The following DIP2C variants were observed in gnomAD, a reference collection of about 807,000 sequenced individuals.
DIP2C encodes the protein DIP2 acetate--CoA ligase C (putative), also known as disco-interacting protein 2 homolog C.
Under a neutral mutation model 192.4 loss-of-function variants are expected in DIP2C, and 33 were observed. The ratio of observed to expected loss-of-function variants is 0.17; its 90% CI spans 0.13 to 0.23. The LOEUF (loss-of-function observed/expected upper bound fraction) is 0.23. Ranked by LOEUF, DIP2C falls within the 10% of genes least tolerant of loss-of-function variation. The probability of loss-of-function intolerance (pLI) is 1.00; values close to 1 mark genes in which losing one functional copy is unlikely to be tolerated. For synonymous variants in DIP2C, 979 were observed against 864.1 expected (o/e 1.13, Z -2.33); for missense variants, 1,537 against 2,110.1 (o/e 0.73, Z 5.32).
At chr10:281,390 TA>T (rs909106876) in intron 35 of DIP2C, 67 bp from the exon 36 acceptor site, 6 of 1,352,014 alleles carry the variant, frequency 4.4e-6, no homozygotes, top group Admixed American at 2.3e-5. Context: ...CTTCTTTTCT[TA>T]AAAAAAGATT....
intron 1 of DIP2C, among the ~76,000 whole-genome samples, chr10:647,329 G>A (rs1259410626): frequency 6.6e-6 from 1 of 151,552 alleles, no homozygotes. Flanking sequence ...AGAGAACAGA[G>A]GGAAACTGAG....
intron 1 of DIP2C, among the ~76,000 whole-genome samples, chr10:682,614 G>C (rs1437695889): frequency 6.6e-6 from 1 of 152,096 alleles, no homozygotes; most frequent in Non-Finnish European, 1.5e-5. Context: ...ATGGCTCAAG[G>C]GTTCTAAAAT....
At chr10:525,136 A>AAT (rs1366086276) in intron 1 of DIP2C, among the ~76,000 whole-genome samples, 2 of 152,210 alleles carry the variant, frequency 1.3e-5, no homozygotes, top group African/African-American at 4.8e-5. Context: ...AGCATTCTTA[A>AAT]ATGCATCACA....
At chr10:650,720 T>C (rs371096058) in intron 1 of DIP2C, 4 of 632,976 alleles carry the variant, frequency 6.3e-6, no homozygotes, top group African/African-American at 5.5e-5. Flanking sequence ...CAGAGTGCTC[T>C]GGGCCGACCC....
At chr10:587,406 C>A (rs370124473) in intron 1 of DIP2C, among the ~76,000 whole-genome samples, 280 of 152,332 alleles carry the variant, frequency 1.8e-3, no homozygotes, top group African/African-American at 5.1e-3. Flanking sequence ...ACAGCGTCAG[C>A]ACACGGATTG....
intron 31 of DIP2C, among the ~76,000 whole-genome samples, chr10:323,712 G>A (rs575730801): frequency 1.5e-3 from 231 of 152,206 alleles, no homozygotes; most frequent in African/African-American, 5.3e-3. Flanking sequence ...TTCTGATTTT[G>A]TTTTCTAAAA....
Position 418,145 on chromosome 10 carries a change from A to G in DIP2C, c.739+920T>C, listed in dbSNP as rs11499179. 1.8e-3 allele frequency among the ~76,000 whole-genome samples: 20 copies of G among 10,894 alleles called. 4 individuals are homozygous for G. Among genetic ancestry groups the G allele is most frequent in the African/African-American group, 5.1e-3 (8 of 1,578 alleles). The allele number at this position is 10,894 out of a possible 152,430, so 7.1% of individuals were successfully genotyped here. The stretch of plus-strand genomic sequence containing the variant: ...CGGATAGGCCTCCCTGTCCACCTGC[A>G]CCTGTCAGAGCTCGGACAGGCCTCC... On this transcript the variant is annotated intron_variant, in intron 6 of 36. Coordinates refer to ENST00000280886, the MANE Select transcript of DIP2C (RefSeq NM_014974.3).
chr10:475,770 G>T (rs1315960567), intron 2 of DIP2C, among the ~76,000 whole-genome samples: 1 of 152,188 alleles, frequency 6.6e-6, no homozygotes, highest in African/African-American at 2.4e-5. Flanking sequence ...AAACGAGGCT[G>T]CAAGTGGCTT....
intron 6 of DIP2C, among the ~76,000 whole-genome samples, chr10:417,710 AAATAGGCCTCCCTGTCTGC>A (rs1965779781): frequency 1.6e-4 from 13 of 79,096 alleles, no homozygotes; most frequent in African/African-American, 6.3e-4. Flanking sequence ...CTGTCGGCTC[AAATAGGCCTCCCTGTCTGC>A]CTGCGCCTGT....
At chr10:332,058 G>C (rs947116522) in intron 29 of DIP2C, among the ~76,000 whole-genome samples, 3 of 152,008 alleles carry the variant, frequency 2.0e-5, no homozygotes, top group African/African-American at 7.3e-5. Flanking sequence ...TGGGACTAGA[G>C]GCACGTACCA....
chr10:347,764 A>C (rs1329484029), intron 26 of DIP2C, among the ~76,000 whole-genome samples: 1 of 132,350 alleles, frequency 7.6e-6, no homozygotes, highest in East Asian at 2.5e-4. Context: ...CATACACCCA[A>C]CCCAGACACA....
At chr10:281,969 G>C (rs1954855941) in intron 35 of DIP2C, 1 of 152,212 alleles carries the variant, frequency 6.6e-6, no homozygotes, top group Non-Finnish European at 1.5e-5. Flanking sequence ...TTATAAGGTA[G>C]TAAGCATATT....
rs867295182 is a variant in DIP2C, at chr10:647,652, A to G, written c.85+41842T>C. Among the ~76,000 whole-genome samples, 312 of 86,276 alleles carry G rather than the reference A, an allele frequency of 3.6e-3. No homozygotes were observed. In the Middle Eastern group the frequency reaches 0.047, roughly 13 times the overall value. The allele number at this position is 86,276 out of a possible 152,430, so 56.6% of individuals were successfully genotyped here. ...GTGGGAGAGAACAGAGGGAAACTGAATCCACGTCCACATTGGATGGTGGGA... is the reference window on the plus strand; with the variant it reads ...GTGGGAGAGAACAGAGGGAAACTGAGTCCACGTCCACATTGGATGGTGGGA... On this transcript the variant is annotated intron_variant, in intron 1 of 36. Coordinates refer to ENST00000280886, the MANE Select transcript of DIP2C (RefSeq NM_014974.3).
chr10:415,560 C>T (rs1015015270), intron 7 of DIP2C, among the ~76,000 whole-genome samples: 28 of 152,174 alleles, frequency 1.8e-4, no homozygotes, highest in African/African-American at 6.8e-4. Context: ...AATCAACTCC[C>T]ACAGAGGACG....
intron 1 of DIP2C, among the ~76,000 whole-genome samples, chr10:522,032 A>G (rs1359668479): frequency 1.3e-5 from 2 of 151,748 alleles, no homozygotes; most frequent in African/African-American, 2.4e-5. Flanking sequence ...CCCCCATGAC[A>G]GCCCCACACG....
Position 568,765 on chromosome 10 carries a change from C to CAAAAAAAAAAAAAAAAA in DIP2C, c.86-82252_86-82236dup, listed in dbSNP as rs1206501677. 2.6e-4 allele frequency among the ~76,000 whole-genome samples: 10 copies of CAAAAAAAAAAAAAAAAA among 37,882 alleles called. 3 individuals carry two copies. The highest frequency in any genetic ancestry group is 4.2e-4 in the Non-Finnish European group (9 of 21,496). 24.9% of individuals were successfully genotyped at this position (37,882 alleles called of 152,430 possible). A position where few individuals can be genotyped will look rare whatever the true frequency, so the allele number is the denominator to read the frequency against. ...TGGGCGACAGAGGGAAACTCCGTCT[C>CAAAAAAAAAAAAAAAAA]AAAAAAAAAAAAAAAAAAAAAAAAA... is the stretch of plus-strand genomic sequence containing the variant. On this transcript the variant is annotated intron_variant, in intron 1 of 36. Transcript: ENST00000280886.
At chr10:372,216 C>CA (rs1961051486) in intron 17 of DIP2C, among the ~76,000 whole-genome samples, 2 of 152,046 alleles carry the variant, frequency 1.3e-5, no homozygotes, top group Non-Finnish European at 1.5e-5. Context: ...GCTGGGACTA[C>CA]AGGCGCCGCC....
At chr10:345,693 C>T (rs1447530407) in intron 26 of DIP2C, among the ~76,000 whole-genome samples, 4 of 4,030 alleles carry the variant, frequency 9.9e-4, no homozygotes, top group African/African-American at 6.6e-3. Context: ...ATAGTTCTCC[C>T]GGAAACGTCA....
intron 31 of DIP2C, among the ~76,000 whole-genome samples, chr10:320,249 A>G (rs2132387321): frequency 6.6e-6 from 1 of 152,306 alleles, no homozygotes; most frequent in East Asian, 1.9e-4. Context: ...ACAGATTGGC[A>G]CTTAAAAGAA....
Sources: allele counts gnomAD v4.1 joint callset (sites outside exome capture counted in the v4.1 genomes callset), GRCh38; gene constraint gnomAD v4.1.1; transcripts MANE v1.5; gene names NCBI Gene and HGNC (gene_info 2026-07-23, HGNC 2026-07-21).